The following CERS3 variants were observed in gnomAD, a reference collection of about 807,000 sequenced individuals.
The protein encoded by CERS3 is LAG1 homolog, ceramide synthase 3.
Under a neutral mutation model 50.3 loss-of-function variants are expected in CERS3, and 33 were observed. The observed-to-expected ratio is 0.66, with a 90% CI of 0.50 to 0.88. The LOEUF is 0.88. CERS3 is among the 40% of genes least tolerant of loss of function. The pLI is 0.00. For missense variants in CERS3, 470 were observed against 460.3 expected (o/e 1.02, Z -0.19); for synonymous variants, 176 against 155.2 (o/e 1.13, Z -0.99).
At chr15:100,456,185 G>A (rs1596693190) in intron 10 of CERS3, 139 bp from the exon 11 acceptor site, 4 of 517,464 alleles carry the variant, frequency 7.7e-6, no homozygotes, top group African/African-American at 2.0e-5. Context: ...CAAAAGAAAA[G>A]ATACGATAAT....
chr15:100,417,560 G>A (rs12591793), intron 11 of CERS3, among the ~76,000 whole-genome samples: 55,622 of 151,722 alleles, frequency 0.37, 10,944 homozygotes, highest in East Asian at 0.55. Flanking sequence ...CTGGAAGCTC[G>A]AACTGGGTGG....
rs60136851 is a variant in CERS3 at position 100,462,872 on chromosome 15, T to C, written c.845+6506A>G. Among the ~76,000 whole-genome samples the C allele has an allele frequency of 5.8e-3, 877 of 152,326 alleles. 12 individuals carry two copies. Among genetic ancestry groups the C allele is most frequent in the African/African-American group, 0.02 (841 of 41,570 alleles). On this transcript the variant is annotated intron_variant, in intron 10 of 11. Coordinates refer to ENST00000679737, the MANE Select transcript of CERS3 (RefSeq NM_001378789.1). Reference sequence around the variant, plus strand: ...GCAATAAAAGACATCATTGGATTGATTGACCAAATTGGAACATGGAAGGTA... The same window carrying C: ...GCAATAAAAGACATCATTGGATTGACTGACCAAATTGGAACATGGAAGGTA...
intron 2 of CERS3, among the ~76,000 whole-genome samples, chr15:100,515,853 C>T (rs1390669888): frequency 6.6e-6 from 1 of 152,172 alleles, no homozygotes; most frequent in Non-Finnish European, 1.5e-5. Flanking sequence ...GAGCATCTGT[C>T]AGCATTTCCT....
chr15:100,493,019 A>C (rs926878717), intron 3 of CERS3, among the ~76,000 whole-genome samples: 2 of 152,126 alleles, frequency 1.3e-5, no homozygotes, highest in South Asian at 2.1e-4. Context: ...CATCTTTATA[A>C]ATTGTGTTCT....
chr15:100,458,496 G>C (rs1175938277), intron 10 of CERS3, among the ~76,000 whole-genome samples: 1 of 151,108 alleles, frequency 6.6e-6, no homozygotes, highest in Non-Finnish European at 1.5e-5. Context: ...TGAGGGAAGA[G>C]AATTGCTTGA....
At chr15:100,508,934 GA>G (rs2036260169) in intron 2 of CERS3, among the ~76,000 whole-genome samples, 1 of 152,060 alleles carries the variant, frequency 6.6e-6, no homozygotes, top group South Asian at 2.1e-4. Flanking sequence ...AAAAAAATCT[GA>G]GGCTATTTTT....
intron 3 of CERS3, among the ~76,000 whole-genome samples, chr15:100,492,166 G>A (rs1043836308): frequency 6.6e-6 from 1 of 152,198 alleles, no homozygotes; most frequent in South Asian, 2.1e-4. Flanking sequence ...AGAAGAATGT[G>A]TATTCTGGTG....
At chr15:100,423,095 AAT>A (rs1491230471) in intron 11 of CERS3, among the ~76,000 whole-genome samples, 6 of 149,208 alleles carry the variant, frequency 4.0e-5, no homozygotes, top group African/African-American at 1.5e-4. Flanking sequence ...ATAAAAAAAA[AAT>A]GTTAAAAAAA....
intron 2 of CERS3, among the ~76,000 whole-genome samples, chr15:100,505,001 C>T (rs1242555286): frequency 6.6e-6 from 1 of 152,190 alleles, no homozygotes; most frequent in Non-Finnish European, 1.5e-5. Context: ...CCAGTCGAGG[C>T]CACAGAGGCT....
At chr15:100,406,022 T>C (rs1365863845) in intron 11 of CERS3, among the ~76,000 whole-genome samples, 1 of 152,258 alleles carries the variant, frequency 6.6e-6, no homozygotes, top group African/African-American at 2.4e-5. Flanking sequence ...TTATGAGTTA[T>C]ATGTTTCCTC....
At chr15:100,432,694 CT>C (rs2033194483) in intron 11 of CERS3, among the ~76,000 whole-genome samples, 1 of 152,264 alleles carries the variant, frequency 6.6e-6, no homozygotes, top group East Asian at 1.9e-4. Flanking sequence ...GGTGAAAAGA[CT>C]CCACAGCATG....
intron 1 of CERS3, among the ~76,000 whole-genome samples, chr15:100,523,700 C>CAAAAAA (rs34875423): frequency 1.2e-4 from 6 of 51,440 alleles, no homozygotes; most frequent in Non-Finnish European, 1.4e-4. Flanking sequence ...GACTCCATCT[C>CAAAAAA]AAAAAAAAAA....
At chr15:100,454,170 C>T (rs1596689312) in intron 11 of CERS3, among the ~76,000 whole-genome samples, 1 of 152,080 alleles carries the variant, frequency 6.6e-6, no homozygotes, top group African/African-American at 2.4e-5. Context: ...GCAAGAGAAT[C>T]GCTTGACCCC....
chr15:100,409,284 C>A (rs566875139), intron 11 of CERS3, among the ~76,000 whole-genome samples: 1 of 152,080 alleles, frequency 6.6e-6, no homozygotes, highest in African/African-American at 2.4e-5. Flanking sequence ...GTGAGACAAA[C>A]ACGGACATGT....
chr15:100,543,505 TCCCTTCCTC>T (rs2037252883), intron 1 of CERS3, among the ~76,000 whole-genome samples: 1 of 150,782 alleles, frequency 6.6e-6, no homozygotes, highest in African/African-American at 2.4e-5. Flanking sequence ...CTTCCTTCCC[TCCCTTCCTC>T]TCCCTCCTTC....
intron 11 of CERS3, among the ~76,000 whole-genome samples, chr15:100,443,421 T>G (rs2033791095): frequency 6.7e-6 from 1 of 148,430 alleles, no homozygotes; most frequent in Admixed American, 6.9e-5. Flanking sequence ...TACAAGTTAG[T>G]TCAGGATCTA....
At chr15:100,421,437 T>C (rs1322281948) in intron 11 of CERS3, among the ~76,000 whole-genome samples, 2 of 151,950 alleles carry the variant, frequency 1.3e-5, no homozygotes, top group African/African-American at 4.8e-5. Flanking sequence ...TAAAAGAGGA[T>C]ACAAACAAAT....
At chr15:100,473,760 A>G (rs1164742310) in intron 8 of CERS3, among the ~76,000 whole-genome samples, 1 of 152,246 alleles carries the variant, frequency 6.6e-6, no homozygotes, top group Non-Finnish European at 1.5e-5. Flanking sequence ...AAGATTAGAC[A>G]TAGAATTACC....
At chr15:100,455,212 A>G (rs190485444) in intron 11 of CERS3, among the ~76,000 whole-genome samples, 145 of 152,288 alleles carry the variant, frequency 9.5e-4, no homozygotes, top group Non-Finnish European at 1.8e-3. Flanking sequence ...TAGAACTACC[A>G]TATGACCCAG....
Sources: allele counts gnomAD v4.1 joint callset (sites outside exome capture counted in the v4.1 genomes callset), GRCh38; gene constraint gnomAD v4.1.1; transcripts MANE v1.5; gene names NCBI Gene and HGNC (gene_info 2026-07-23, HGNC 2026-07-21).